The following HDLBP variants were observed in gnomAD, a reference collection of about 807,000 sequenced individuals.
HDLBP encodes vigilin.
HDLBP carries 30 observed loss-of-function variants against 137.3 expected under a neutral mutation model. The observed-to-expected ratio is 0.22, with a 90% CI of 0.16 to 0.30. The LOEUF (loss-of-function observed/expected upper bound fraction) is 0.30. Among genes scored for constraint, HDLBP ranks in the 10% least tolerant of loss-of-function variants. The probability of loss-of-function intolerance (pLI) is 1.00; values close to 1 mark genes in which losing one functional copy is unlikely to be tolerated. For missense variants in HDLBP, 1,119 were observed against 1,667.3 expected, an observed-to-expected ratio of 0.67 and a Z score of 5.73; for synonymous variants, 606 against 596.0, an observed-to-expected ratio of 1.02 and a Z score of -0.24.
intron 20 of HDLBP, among the ~76,000 whole-genome samples, chr2:241,237,281 G>A (rs2070659732): frequency 6.6e-6 from 1 of 152,194 alleles, no homozygotes; most frequent in South Asian, 2.1e-4. Context: ...ACCTGTGCCA[G>A]CTCCTTATGC....
intron 5 of HDLBP, among the ~76,000 whole-genome samples, chr2:241,260,850 T>C (rs549018701): frequency 2.0e-4 from 31 of 152,134 alleles, no homozygotes; most frequent in African/African-American, 6.5e-4. Flanking sequence ...AATCAGTCAA[T>C]AGCAGAACCA....
rs115226480 is a variant in HDLBP at position 241,251,374 on chromosome 2, G to A, written c.1373-1394C>T. Among the ~76,000 whole-genome samples the A allele has an allele frequency of 6.1e-3, 924 of 152,324 alleles. 6 individuals are homozygous for A. Among genetic ancestry groups the A allele is most frequent in the Non-Finnish European group, 8.4e-3 (569 of 68,040 alleles). ...CACTTTGTGCCTACAGACTCTCGTC[G>A]CTGTCACGTAAAATGCCCACAAAAC... On this transcript the variant is annotated intron_variant, in intron 11 of 27. Transcript: ENST00000310931.
At position 241,246,848 on chromosome 2, in the gene HDLBP, T is replaced by C; in HGVS notation, c.1854A>G (p.Pro618=). ...TGGTCTCTGAATTGCTATTCTCTGC[T>C]GGAAGGTCGATTTTGGTGTTGCTTT... The part of the protein sequence containing the change: ...REESNTKIDL[P]AENSNSETII... Residue 618 remains proline (P), a synonymous_variant, in exon 16 of 28, where the codon CCA becomes CCG. Coordinates refer to ENST00000310931, the MANE Select transcript of HDLBP (RefSeq NM_005336.6). The C allele has an allele frequency of 6.2e-7, 1 of 1,614,182 alleles. No individual in the cohort carries two copies. The highest frequency in any genetic ancestry group is 1.1e-5 in the South Asian group (1 of 91,084).
intron 5 of HDLBP, among the ~76,000 whole-genome samples, chr2:241,259,346 T>C (rs2072974088): frequency 6.6e-6 from 1 of 152,198 alleles, no homozygotes. Context: ...GGGAGATTTC[T>C]CTGAAAGTAC....
At chr2:241,241,654 T>C (rs1289140378) in intron 17 of HDLBP, among the ~76,000 whole-genome samples, 1 of 141,264 alleles carries the variant, frequency 7.1e-6, no homozygotes, top group Non-Finnish European at 1.5e-5. Context: ...TTTAGCAGCC[T>C]CGTGAAGGTC....
At chr2:241,306,115 C>T (rs1220009170) in intron 1 of HDLBP, among the ~76,000 whole-genome samples, 1 of 151,784 alleles carries the variant, frequency 6.6e-6, no homozygotes, top group African/African-American at 2.4e-5. Context: ...TAAACGTGAT[C>T]ACAAAATCAG....
intron 1 of HDLBP, among the ~76,000 whole-genome samples, chr2:241,287,657 A>G (rs1190013805): frequency 6.6e-6 from 1 of 152,186 alleles, no homozygotes. Context: ...TCCTGGCCTC[A>G]GTGATCTGCC....
chr2:241,270,271 G>A (rs566871393), intron 1 of HDLBP, among the ~76,000 whole-genome samples: 13 of 152,158 alleles, frequency 8.5e-5, no homozygotes, highest in African/African-American at 2.7e-4. Context: ...TTCCTCAGGC[G>A]TGCACAGACC....
At chr2:241,274,387 G>C (rs1219443505) in intron 1 of HDLBP, among the ~76,000 whole-genome samples, 4 of 152,248 alleles carry the variant, frequency 2.6e-5, no homozygotes, top group African/African-American at 9.6e-5. Flanking sequence ...GGCCTCCCTA[G>C]ATGTGGAAAT....
chr2:241,258,100 A>T (rs1379408817), intron 5 of HDLBP, among the ~76,000 whole-genome samples: 1 of 152,140 alleles, frequency 6.6e-6, no homozygotes, highest in African/African-American at 2.4e-5. Context: ...CAAAAATTTT[A>T]AAAATAAGCT....
At chr2:241,307,694 A>C (rs1013972026) in intron 1 of HDLBP, among the ~76,000 whole-genome samples, 1 of 152,202 alleles carries the variant, frequency 6.6e-6, no homozygotes, top group African/African-American at 2.4e-5. Context: ...ACATGATTTA[A>C]ATAAAAATAG....
chr2:241,249,736 C>T (rs909984967), intron 12 of HDLBP, 105 bp downstream of exon 12: 18 of 1,155,592 alleles, frequency 1.6e-5, no homozygotes, highest in Non-Finnish European at 1.7e-5. Context: ...TGGGATTTGT[C>T]GACTTCCATT....
At chr2:241,283,007 T>G (rs1338398328) in intron 1 of HDLBP, among the ~76,000 whole-genome samples, 1 of 152,202 alleles carries the variant, frequency 6.6e-6, no homozygotes, top group Non-Finnish European at 1.5e-5. Flanking sequence ...CTAGGCCTCT[T>G]GCACCAAATA....
intron 3 of HDLBP, 51 bp from the exon 4 acceptor site, chr2:241,264,656 G>T: frequency 1.9e-6 from 3 of 1,566,830 alleles, no homozygotes; most frequent in Non-Finnish European, 2.6e-6. Flanking sequence ...AGCATTACAT[G>T]AAAAACACTT....
Position 241,233,823 on chromosome 2 carries a change from G to T in HDLBP, c.3285C>A (p.Asn1095Lys). 2 of 1,614,106 alleles carry T rather than the reference G, an allele frequency of 1.2e-6. No homozygotes were observed. The highest frequency in any genetic ancestry group is 1.7e-6 in the Non-Finnish European group (2 of 1,180,012). ...NIQFPDKDDG[N>K]QPQDQITITG... is the part of the protein sequence containing the mutation. Reference sequence around the variant, plus strand: ...ACGCTCCAACCGAGGCTCTCACCTGGTTCCCATCGTCCTTATCAGGAAACT... The same window carrying T: ...ACGCTCCAACCGAGGCTCTCACCTGTTTCCCATCGTCCTTATCAGGAAACT... The change falls in exon 24 of 28, where the codon AAC (asparagine) becomes AAA (lysine). Residue 1095 changes from asparagine (N) to lysine (K), a missense_variant. By Grantham distance (94) the Asn-to-Lys change is moderately conservative (BLOSUM62 0). Around this residue, in one of 4 missense-constraint regions of HDLBP, gnomAD observed 618 missense variants for 816.7 expected, o/e 0.76. Coordinates refer to ENST00000310931, the MANE Select transcript of HDLBP (RefSeq NM_005336.6). This position sits in a 1 kb window ranked among gnomAD's most constrained non-coding sequence, Gnocchi z 4.3.
In HDLBP at chr2:241,248,213, A is replaced by G. The variant is rs756025687; in HGVS notation, c.1617+31T>C. On this transcript the variant is annotated intron_variant, in intron 13 of 27. Transcript: ENST00000310931. Reference sequence around the variant, plus strand: ...GAAGTGTGACTTGGATCACTCCTATAGAGTTACAGAATGTCTCTGGGAAAC... The same window carrying G: ...GAAGTGTGACTTGGATCACTCCTATGGAGTTACAGAATGTCTCTGGGAAAC... The G allele has an allele frequency of 1.9e-6, 3 of 1,575,204 alleles. No individual in the cohort carries two copies. In the Admixed American group the frequency reaches 5.0e-5, roughly 26 times the overall value.
chr2:241,314,909 G>T (rs1450073306), intron 1 of HDLBP, among the ~76,000 whole-genome samples: 1 of 152,162 alleles, frequency 6.6e-6, no homozygotes, highest in Non-Finnish European at 1.5e-5. Flanking sequence ...GCCAAGCCTT[G>T]ACGTGAGTCT....
intron 2 of HDLBP, chr2:241,267,576 A>C (rs1321601719): frequency 3.9e-6 from 6 of 1,535,440 alleles, no homozygotes; most frequent in Admixed American, 2.0e-5. Flanking sequence ...CTCACCACAC[A>C]CCTCTTAATG....
At chr2:241,237,197 A>G (rs2070648371) in intron 20 of HDLBP, among the ~76,000 whole-genome samples, 1 of 152,172 alleles carries the variant, frequency 6.6e-6, no homozygotes, top group Admixed American at 6.5e-5. Flanking sequence ...GCCAGCACGC[A>G]GCCCCACCCA....
Sources: gnomAD v4.1 joint callset for allele counts (sites outside exome capture counted in the v4.1 genomes callset) on GRCh38, gnomAD v4.1.1 for gene constraint, gnomAD v4.1.1 regional missense constraint, Gnocchi (gnomAD v3.1) non-coding constraint, MANE v1.5 for transcripts, NCBI Gene and HGNC (gene_info 2026-07-23, HGNC 2026-07-21) for gene names.